Variants in MUC7 observed in about 807,000 individuals in gnomAD.
MUC7 encodes the protein mucin 7, secreted.
A neutral mutation model predicts 2.5 loss-of-function variants in MUC7; 2 were observed. The ratio of observed to expected loss-of-function variants is 0.81; its 90% CI spans 0.33 to 2.55. The LOEUF (loss-of-function observed/expected upper bound fraction) is 2.55. MUC7 is among the 30% of genes most tolerant of loss of function. The probability of loss-of-function intolerance (pLI) is 0.11; values close to 1 mark genes in which losing one functional copy is unlikely to be tolerated. For missense variants in MUC7, 408 were observed against 455.6 expected, an observed-to-expected ratio of 0.90 and a Z score of 0.95; for synonymous variants, 133 against 173.4, an observed-to-expected ratio of 0.77 and a Z score of 1.83.
At chr4:70,438,466 G>A (rs569695838) in intron 1 of MUC7, among the ~76,000 whole-genome samples, 15 of 144,596 alleles carry the variant, frequency 1.0e-4, no homozygotes, top group Non-Finnish European at 1.6e-4. Flanking sequence ...TTTTGGTTTG[G>A]TTTGGTTTTG....
chr4:70,456,537 G>T, intron 1 of MUC7, among the ~76,000 whole-genome samples: 1 of 152,126 alleles, frequency 6.6e-6, no homozygotes, highest in African/African-American at 2.4e-5. Flanking sequence ...CATCTTATAT[G>T]ATGGCAGAAG....
At chr4:70,452,432 G>T (rs1734301902) in intron 1 of MUC7, among the ~76,000 whole-genome samples, 1 of 151,224 alleles carries the variant, frequency 6.6e-6, no homozygotes. Flanking sequence ...TATGTTTTTA[G>T]ATTTCAGGTT....
intron 1 of MUC7, among the ~76,000 whole-genome samples, chr4:70,430,886 A>C (rs1015150226): frequency 3.3e-5 from 5 of 152,202 alleles, no homozygotes; most frequent in Non-Finnish European, 5.9e-5. Flanking sequence ...ATGACAAAAA[A>C]TTCATGAGAT....
chr4:70,480,964 C>T lies in MUC7; in HGVS notation c.220C>T (p.Leu74Phe). 6.2e-7 allele frequency: 1 copy of T among 1,614,070 alleles called. No individual in the cohort carries two copies. Among genetic ancestry groups the T allele is most frequent in the Non-Finnish European group, 8.5e-7 (1 of 1,179,984 alleles). ...KCLHKRCRPK[L>F]PPSPNNPPKF... The stretch of plus-strand genomic sequence containing the variant: ...TCTGCACAAACGCTGTAGGCCTAAG[C>T]TTCCACCTTCACCTAATAACCCCCC... Residue 74 changes from leucine (L) to phenylalanine (F), a missense_variant, in exon 3 of 3, where the codon CTT becomes TTT. Around this residue, in one of 3 missense-constraint regions of MUC7, gnomAD observed 225 missense variants for 240.5 expected, o/e 0.94. Transcript: ENST00000304887.
intron 1 of MUC7, among the ~76,000 whole-genome samples, chr4:70,465,969 A>G (rs931858661): frequency 2.0e-5 from 3 of 152,204 alleles, no homozygotes; most frequent in Admixed American, 1.3e-4. Context: ...CATTGAAGTG[A>G]AGGAAAAAGT....
At chr4:70,435,477 G>T (rs183333280) in intron 1 of MUC7, among the ~76,000 whole-genome samples, 3 of 152,164 alleles carry the variant, frequency 2.0e-5, no homozygotes, top group African/African-American at 7.2e-5. Flanking sequence ...TGTCTCTTTT[G>T]ATCTTTGTTG....
intron 1 of MUC7, among the ~76,000 whole-genome samples, chr4:70,461,549 C>A (rs1734556631): frequency 6.6e-6 from 1 of 152,164 alleles, no homozygotes; most frequent in South Asian, 2.1e-4. Context: ...ATTTCTTTCC[C>A]TGCCCTTTAA....
At chr4:70,451,680 C>T (rs1442699971) in intron 1 of MUC7, among the ~76,000 whole-genome samples, 1 of 152,074 alleles carries the variant, frequency 6.6e-6, no homozygotes, top group East Asian at 1.9e-4. Flanking sequence ...TGTGACCTAA[C>T]ATGTGGTATA....
chr4:70,431,796 G>A (rs182427363), intron 1 of MUC7, among the ~76,000 whole-genome samples: 17 of 151,814 alleles, frequency 1.1e-4, no homozygotes, highest in African/African-American at 2.4e-4. Flanking sequence ...TGTGCACAAC[G>A]CGCAGGTTTC....
At chr4:70,474,659 T>G (rs1420948212) in intron 2 of MUC7, among the ~76,000 whole-genome samples, 1 of 152,126 alleles carries the variant, frequency 6.6e-6, no homozygotes, top group Non-Finnish European at 1.5e-5. Context: ...ATAGTGAGTG[T>G]GATGAGAACT....
upstream of MUC7, among the ~76,000 whole-genome samples, chr4:70,470,016 C>T (rs1734790099): frequency 6.6e-6 from 1 of 152,184 alleles, no homozygotes; most frequent in South Asian, 2.1e-4. Flanking sequence ...CCCAAATGCC[C>T]ATCAATGATA....
chr4:70,448,433 G>A (rs572899415), intron 1 of MUC7, among the ~76,000 whole-genome samples: 217 of 152,184 alleles, frequency 1.4e-3, no homozygotes, highest in Non-Finnish European at 2.7e-3. Flanking sequence ...GCCATCATTT[G>A]TTATTGCCTA....
intron 1 of MUC7, among the ~76,000 whole-genome samples, chr4:70,445,708 T>C (rs36041911): frequency 0.35 from 53,820 of 151,850 alleles, 10,229 homozygotes; most frequent in Admixed American, 0.46. Context: ...AATGCTTCCA[T>C]GGAAACAAAA....
At chr4:70,439,246 C>T (rs1006208098) in intron 1 of MUC7, among the ~76,000 whole-genome samples, 2 of 152,106 alleles carry the variant, frequency 1.3e-5, no homozygotes, top group Non-Finnish European at 2.9e-5. Flanking sequence ...CAAAAGTCCA[C>T]CAAGGAGGGA....
chr4:70,433,438 T>A (rs1380680803), intron 1 of MUC7, among the ~76,000 whole-genome samples: 2 of 152,334 alleles, frequency 1.3e-5, no homozygotes, highest in Non-Finnish European at 1.5e-5. Flanking sequence ...CTTGAAGAGA[T>A]CCTTCACATC....
At chr4:70,467,973 AAT>A (rs1734723323), upstream of MUC7, among the ~76,000 whole-genome samples, 1 of 152,202 alleles carries the variant, frequency 6.6e-6, no homozygotes, top group African/African-American at 2.4e-5. Context: ...ATTTCAGACC[AAT>A]ATCCCTGATG....
upstream of MUC7, among the ~76,000 whole-genome samples, chr4:70,468,065 A>C (rs7677582): frequency 0.013 from 2,055 of 152,304 alleles, 49 homozygotes; most frequent in African/African-American, 0.047. Flanking sequence ...TACCAAGATC[A>C]AGCTGGCTTT....
chr4:70,456,194 C>T (rs979088532), intron 1 of MUC7, among the ~76,000 whole-genome samples: 6 of 152,096 alleles, frequency 3.9e-5, no homozygotes, highest in African/African-American at 9.7e-5. Flanking sequence ...AGCAATGCCC[C>T]GCTCCTTGGT....
chr4:70,475,432 T>C (rs1292727701), intron 2 of MUC7, among the ~76,000 whole-genome samples: 3 of 152,154 alleles, frequency 2.0e-5, no homozygotes, highest in Admixed American at 2.0e-4. Context: ...AAAGTCTATA[T>C]TTAAAACATA....
Sources: allele counts gnomAD v4.1 joint callset (sites outside exome capture counted in the v4.1 genomes callset), GRCh38; gene constraint gnomAD v4.1.1; regional missense constraint gnomAD v4.1.1; transcripts MANE v1.5; gene names NCBI Gene and HGNC (gene_info 2026-07-23, HGNC 2026-07-21).